LINGO2: variants seen among roughly 807,000 people sequenced by gnomAD.
The protein encoded by LINGO2 is leucine-rich repeat and immunoglobulin-like domain-containing nogo receptor-interacting protein 2.
In LINGO2, 14 loss-of-function variants were observed where a neutral mutation model predicts 30.6. The observed-to-expected ratio is 0.46, with a 90% CI of 0.30 to 0.72. The LOEUF (loss-of-function observed/expected upper bound fraction) is 0.72, where lower values mean the gene tolerates loss of function less well. Ranked by LOEUF, LINGO2 falls within the 30% of genes least tolerant of loss-of-function variation. The pLI, the probability that LINGO2 is intolerant of heterozygous loss-of-function variation, is 0.07. For synonymous variants in LINGO2, 317 were observed against 288.5 expected, an observed-to-expected ratio of 1.10 and a Z score of -1.00; for missense variants, 729 against 751.7, an observed-to-expected ratio of 0.97 and a Z score of 0.35.
At chr9:28,443,147 A>G (rs182238218) in intron 2 of LINGO2, among the ~76,000 whole-genome samples, 118 of 152,302 alleles carry the variant, frequency 7.7e-4, no homozygotes, top group African/African-American at 2.6e-3. Context: ...TTTTATACCA[A>G]TTGCCTCGCT....
intron 1 of LINGO2, among the ~76,000 whole-genome samples, chr9:28,662,139 G>A (rs1158900434): frequency 6.6e-6 from 1 of 152,156 alleles, no homozygotes; most frequent in African/African-American, 2.4e-5. Flanking sequence ...TAAATTACAT[G>A]TGGAACATGC....
intron 1 of LINGO2, among the ~76,000 whole-genome samples, chr9:28,494,528 C>A (rs1206476955): frequency 6.6e-6 from 1 of 152,048 alleles, no homozygotes; most frequent in African/African-American, 2.4e-5. Context: ...TCATCCATGT[C>A]CCTACAAAGG....
At chr9:28,709,580 A>G in the LINGO2 span, among the ~76,000 whole-genome samples, 69 of 152,196 alleles carry the variant, frequency 4.5e-4, no homozygotes, top group East Asian at 9.8e-3. Context: ...ATTATGAATC[A>G]TATATAATTT....
the LINGO2 span, among the ~76,000 whole-genome samples, chr9:28,754,411 C>T: frequency 1.3e-5 from 2 of 151,964 alleles, no homozygotes; most frequent in Admixed American, 6.6e-5. Context: ...ACAGTGTTTC[C>T]CAAACTTCCA....
intron 3 of LINGO2, among the ~76,000 whole-genome samples, chr9:28,328,271 A>G (rs895629627): frequency 6.6e-6 from 1 of 152,186 alleles, no homozygotes; most frequent in African/African-American, 2.4e-5. Context: ...GGATATTAAC[A>G]ATAAGGTATC....
At chr9:28,606,349 C>G (rs1825693703) in intron 1 of LINGO2, among the ~76,000 whole-genome samples, 1 of 151,924 alleles carries the variant, frequency 6.6e-6, no homozygotes, top group African/African-American at 2.4e-5. Flanking sequence ...GGTGAGTGAG[C>G]TCTTTAAATG....
At chr9:29,103,093 C>G in the LINGO2 span, among the ~76,000 whole-genome samples, 1 of 152,100 alleles carries the variant, frequency 6.6e-6, no homozygotes, top group African/African-American at 2.4e-5. Flanking sequence ...AACTACATCA[C>G]TATAACTTCA....
chr9:28,162,115 A>T (rs1828304100), intron 4 of LINGO2, among the ~76,000 whole-genome samples: 1 of 152,150 alleles, frequency 6.6e-6, no homozygotes, highest in African/African-American at 2.4e-5. Context: ...TATTGCCTGC[A>T]TTCTTTCAGG....
the LINGO2 span, among the ~76,000 whole-genome samples, chr9:28,930,285 G>C: frequency 1.3e-5 from 2 of 152,112 alleles, no homozygotes; most frequent in Non-Finnish European, 2.9e-5. The surrounding 1 kb of genome is among the most constrained non-coding windows in gnomAD (Gnocchi z 4.2). Flanking sequence ...TTGAAACCCT[G>C]GCTTGAATTC....
chr9:28,397,478 C>A (rs918077356), intron 2 of LINGO2, among the ~76,000 whole-genome samples: 3 of 147,378 alleles, frequency 2.0e-5, no homozygotes, highest in Non-Finnish European at 4.5e-5. Flanking sequence ...TTAACAGCCA[C>A]ATTTTGGATT....
chr9:28,445,564 T>C (rs1824390597), intron 2 of LINGO2, among the ~76,000 whole-genome samples: 1 of 151,896 alleles, frequency 6.6e-6, no homozygotes, highest in African/African-American at 2.4e-5. Flanking sequence ...TTTAAAATTG[T>C]TATTTTTTTT....
At chr9:28,842,785 A>T in the LINGO2 span, among the ~76,000 whole-genome samples, 1 of 151,826 alleles carries the variant, frequency 6.6e-6, no homozygotes, top group Non-Finnish European at 1.5e-5. Context: ...GAGTCTCAAT[A>T]AGCATTCTTC....
the LINGO2 span, among the ~76,000 whole-genome samples, chr9:29,171,258 C>A: frequency 6.6e-6 from 1 of 152,008 alleles, no homozygotes; most frequent in Non-Finnish European, 1.5e-5. Context: ...CTTGTAAGGA[C>A]CACATAAACC....
rs150675815 is a variant in LINGO2 at position 28,250,121 on chromosome 9, C to A, written c.-87+45087G>T. ...TAAAACAGTCCCTGTCCTCATGGGT[C>A]TTAACAATGAGTGGTTAAGAAGGAA... On this transcript the variant is annotated intron_variant, in intron 4 of 5. Transcript: ENST00000379992. Among the ~76,000 whole-genome samples, 271 of 152,184 alleles carry A rather than the reference C, an allele frequency of 1.8e-3. 2 individuals carry two copies. Among genetic ancestry groups the A allele is most frequent in the Non-Finnish European group, 3.3e-3 (225 of 67,992 alleles).
chr9:29,197,114 A>G, the LINGO2 span, among the ~76,000 whole-genome samples: 52 of 152,068 alleles, frequency 3.4e-4, no homozygotes, highest in Non-Finnish European at 1.5e-4. Flanking sequence ...CAATTCTGAC[A>G]TTAAGTCATC....
the LINGO2 span, among the ~76,000 whole-genome samples, chr9:28,990,977 C>A: frequency 6.6e-6 from 1 of 152,190 alleles, no homozygotes; most frequent in Non-Finnish European, 1.5e-5. Context: ...TCCAAAGGAA[C>A]GCAGTTCCTC....
the LINGO2 span, among the ~76,000 whole-genome samples, chr9:28,903,937 G>A: frequency 9.2e-5 from 14 of 151,926 alleles, no homozygotes; most frequent in African/African-American, 3.1e-4. Context: ...AGATTCCAAT[G>A]AACATAGATG....
At chr9:28,774,958 C>T in the LINGO2 span, among the ~76,000 whole-genome samples, 4 of 151,052 alleles carry the variant, frequency 2.6e-5, no homozygotes, top group Non-Finnish European at 4.4e-5. Flanking sequence ...AGGAACAAAT[C>T]GTCGAATAAG....
chr9:28,720,779 A>G, the LINGO2 span, among the ~76,000 whole-genome samples: 19 of 152,072 alleles, frequency 1.2e-4, 1 homozygote, highest in African/African-American at 4.6e-4. Flanking sequence ...CCTTCAATAT[A>G]ACGCAGTGTA....
Sources: gnomAD v4.1 joint callset for allele counts (sites outside exome capture counted in the v4.1 genomes callset) on GRCh38, gnomAD v4.1.1 for gene constraint, Gnocchi (gnomAD v3.1) non-coding constraint, MANE v1.5 for transcripts, NCBI Gene and HGNC (gene_info 2026-07-23, HGNC 2026-07-21) for gene names.